MFHAS1: variants seen among roughly 807,000 people sequenced by gnomAD.
MFHAS1 encodes the protein malignant fibrous histiocytoma-amplified sequence 1.
In MFHAS1, 50 loss-of-function variants were observed where a neutral mutation model predicts 70.4. The observed-to-expected ratio is 0.71, with a 90% CI of 0.57 to 0.90. MFHAS1 has a LOEUF of 0.90. MFHAS1 is among the 40% of genes least tolerant of loss of function. MFHAS1 has a pLI of 0.00. For missense variants in MFHAS1, 1,795 were observed against 1,347.6 expected, an observed-to-expected ratio of 1.33 and a Z score of -5.20; for synonymous variants, 952 against 620.0, an observed-to-expected ratio of 1.54 and a Z score of -7.96.
chr8:8,813,283 C>G (rs1441019380), intron 1 of MFHAS1, among the ~76,000 whole-genome samples: 2 of 152,202 alleles, frequency 1.3e-5, no homozygotes, highest in Non-Finnish European at 2.9e-5. Context: ...TAACAAACGA[C>G]TATGTTACTG....
Position 8,784,411 on chromosome 8 carries a change from A to AT in MFHAS1, c.*1610dup, listed in dbSNP as rs1373872780. 1 of 152,230 alleles carries AT rather than the reference A, an allele frequency of 6.6e-6. No individual in the cohort carries two copies. The highest frequency in any genetic ancestry group is 1.9e-4 in the East Asian group (1 of 5,200). The allele number at this position is 152,230 out of a possible 1,614,324, so 9.4% of individuals were successfully genotyped here. A position where few individuals can be genotyped will look rare whatever the true frequency, so the allele number is the denominator to read the frequency against. On this transcript the variant is annotated 3_prime_UTR_variant, in exon 3 of 3. Transcript: ENST00000276282. Reference sequence around the variant, plus strand: ...CAAACTTGAGGTGTCCTATTCAAGTATTAAAAAAATGCAAACATCGTCTGA... The same window carrying AT: ...CAAACTTGAGGTGTCCTATTCAAGTATTTAAAAAAATGCAAACATCGTCTGA...
chr8:8,842,898 G>A (rs1319292695), intron 1 of MFHAS1, among the ~76,000 whole-genome samples: 6 of 152,302 alleles, frequency 3.9e-5, no homozygotes, highest in Non-Finnish European at 8.8e-5. Flanking sequence ...TTGGGCCTTT[G>A]CAATCTGCAT....
intron 1 of MFHAS1, among the ~76,000 whole-genome samples, chr8:8,880,803 G>C (rs1011217742): frequency 6.6e-6 from 1 of 151,756 alleles, no homozygotes; most frequent in African/African-American, 2.4e-5. Flanking sequence ...TCCTGCCTCA[G>C]CCTCCCAAGT....
At chr8:8,877,484 G>T (rs893172811) in intron 1 of MFHAS1, among the ~76,000 whole-genome samples, 2 of 152,068 alleles carry the variant, frequency 1.3e-5, no homozygotes, top group Non-Finnish European at 2.9e-5. Flanking sequence ...GGGTCTATTA[G>T]GGTAAGATTT....
chr8:8,805,564 G>T (rs1806257603), intron 1 of MFHAS1, among the ~76,000 whole-genome samples: 1 of 152,184 alleles, frequency 6.6e-6, no homozygotes, highest in African/African-American at 2.4e-5. Context: ...GGGTTGGTCT[G>T]GTTGTCTCAG....
rs539314738 is a variant in MFHAS1, at chr8:8,878,379, C to T, written c.2998+11682G>A. On this transcript the variant is annotated intron_variant, in intron 1 of 2. Coordinates refer to ENST00000276282, the MANE Select transcript of MFHAS1 (RefSeq NM_004225.3). ...CTGAAAGCAAAGACAGTAATAATAC[C>T]TACTTCCTAGGGCTGCTGTGGGGAT... 2.3e-3 allele frequency among the ~76,000 whole-genome samples: 352 copies of T among 152,090 alleles called. 2 individuals are homozygous for T. Among genetic ancestry groups the T allele is most frequent in the African/African-American group, 6.8e-3 (281 of 41,492 alleles).
intron 1 of MFHAS1, among the ~76,000 whole-genome samples, chr8:8,876,705 C>T (rs1406506292): frequency 2.0e-5 from 3 of 151,646 alleles, no homozygotes; most frequent in South Asian, 4.2e-4. Flanking sequence ...GGAAAAAGTA[C>T]TTTTAAAAGA....
At chr8:8,869,684 G>A (rs1046539752) in intron 1 of MFHAS1, among the ~76,000 whole-genome samples, 4 of 152,034 alleles carry the variant, frequency 2.6e-5, no homozygotes, top group South Asian at 4.1e-4. Context: ...AATCACTTCC[G>A]CTTTCTGTTT....
chr8:8,800,931 A>C (rs1806063473), intron 1 of MFHAS1, among the ~76,000 whole-genome samples: 1 of 152,036 alleles, frequency 6.6e-6, no homozygotes, highest in Admixed American at 6.5e-5. Flanking sequence ...ATTTGAAATA[A>C]CAGGCTGGGT....
At position 8,785,893 on chromosome 8, in the gene MFHAS1, G is replaced by T; in HGVS notation, c.*129C>A. 1 of 726,376 alleles carries T rather than the reference G, an allele frequency of 1.4e-6. No individual in the cohort carries two copies. Among genetic ancestry groups the T allele is most frequent in the Non-Finnish European group, 2.3e-6 (1 of 440,156 alleles). 45.0% of individuals were successfully genotyped at this position (726,376 alleles called of 1,614,324 possible). ...TCCCCAGTCGTCCAAAAAGCACCCT[G>T]CAAGCACGCGTTGTCACTCAAGTTC... On this transcript the variant is annotated 3_prime_UTR_variant, in exon 3 of 3. Transcript: ENST00000276282.
intron 1 of MFHAS1, among the ~76,000 whole-genome samples, 169 bp from the exon 2 acceptor site, chr8:8,797,660 C>A (rs1563178477): frequency 6.6e-6 from 1 of 152,206 alleles, no homozygotes; most frequent in Non-Finnish European, 1.5e-5. Context: ...TGCCTGGGCG[C>A]CGGCTCCAGC....
At position 8,842,896 on chromosome 8, in the gene MFHAS1, T is replaced by G. The variant is rs1022641563; in HGVS notation, c.2999-45405A>C. ...TCTCTCCAATTTCTCACTTGGGCCT[T>G]TGCAATCTGCATTTACAAATTAGCA... On this transcript the variant is annotated intron_variant, in intron 1 of 2. Transcript: ENST00000276282. Among the ~76,000 whole-genome samples the G allele has an allele frequency of 2.0e-5, 3 of 152,338 alleles. No homozygotes were observed. In the East Asian group the frequency reaches 5.8e-4, roughly 29 times the overall value.
chr8:8,819,038 A>C (rs912211886), intron 1 of MFHAS1, among the ~76,000 whole-genome samples: 2 of 152,242 alleles, frequency 1.3e-5, no homozygotes, highest in Non-Finnish European at 2.9e-5. Context: ...TATTGAAAAT[A>C]ATCAAAATGC....
intron 2 of MFHAS1, among the ~76,000 whole-genome samples, chr8:8,790,052 T>C (rs1805673010): frequency 6.6e-6 from 1 of 152,198 alleles, no homozygotes; most frequent in Non-Finnish European, 1.5e-5. Flanking sequence ...CTGCATAATA[T>C]TAACATTTTT....
chr8:8,855,261 G>T (rs1342914712), intron 1 of MFHAS1, among the ~76,000 whole-genome samples: 3 of 152,182 alleles, frequency 2.0e-5, no homozygotes, highest in African/African-American at 7.2e-5. Context: ...CCGACATCCT[G>T]TATTTTATCT....
intron 1 of MFHAS1, among the ~76,000 whole-genome samples, chr8:8,849,442 C>G (rs1193436759): frequency 6.6e-6 from 1 of 152,148 alleles, no homozygotes; most frequent in African/African-American, 2.4e-5. Context: ...AATTTCAGTT[C>G]ACTGATTTTC....
At chr8:8,816,391 A>T (rs142253358) in intron 1 of MFHAS1, among the ~76,000 whole-genome samples, 256 of 152,374 alleles carry the variant, frequency 1.7e-3, no homozygotes, top group Middle Eastern at 6.8e-3. Context: ...AATTGGGGTT[A>T]TGGCATGACC....
At chr8:8,846,262 G>GC (rs1491205669) in intron 1 of MFHAS1, among the ~76,000 whole-genome samples, 1 of 32,696 alleles carries the variant, frequency 3.1e-5, no homozygotes, top group Non-Finnish European at 5.2e-5. Context: ...CCAAAAAAAA[G>GC]GGGGGGGGGG....
intron 1 of MFHAS1, among the ~76,000 whole-genome samples, chr8:8,863,075 T>C (rs1808726608): frequency 6.6e-6 from 1 of 152,236 alleles, no homozygotes; most frequent in African/African-American, 2.4e-5. Context: ...AATTATCTGA[T>C]TGTTTTGGCA....
Sources: allele counts gnomAD v4.1 joint callset (sites outside exome capture counted in the v4.1 genomes callset), GRCh38; gene constraint gnomAD v4.1.1; transcripts MANE v1.5; gene names NCBI Gene and HGNC (gene_info 2026-07-23, HGNC 2026-07-21).